The following JAK1 variants were observed in gnomAD, a reference collection of about 807,000 sequenced individuals.
JAK1 encodes Janus kinase 1.
Under a neutral mutation model 136.6 loss-of-function variants are expected in JAK1, and 16 were observed. That is an observed-to-expected ratio of 0.12 (90% CI 0.08 to 0.18). The LOEUF (loss-of-function observed/expected upper bound fraction) is 0.18. Ranked by LOEUF, JAK1 falls within the 10% of genes least tolerant of loss-of-function variation. The pLI, the probability that JAK1 is intolerant of heterozygous loss-of-function variation, is 1.00. For missense variants in JAK1, 859 were observed against 1,450.1 expected (o/e 0.59, Z 6.62); for synonymous variants, 492 against 519.5 (o/e 0.95, Z 0.72).
upstream of JAK1, among the ~76,000 whole-genome samples, chr1:64,968,786 G>T (rs901349032): frequency 6.6e-6 from 1 of 152,164 alleles, no homozygotes; most frequent in Non-Finnish European, 1.5e-5. Context: ...ACAAAAATTA[G>T]CTGGACGTGG....
upstream of JAK1, among the ~76,000 whole-genome samples, chr1:64,969,195 T>C (rs1225652473): frequency 6.6e-6 from 1 of 151,240 alleles, no homozygotes; most frequent in East Asian, 1.9e-4. Context: ...TAAAATAAAA[T>C]AGTGGGTTTT....
intron 2 of JAK1, among the ~76,000 whole-genome samples, chr1:65,039,681 C>G (rs973497338): frequency 2.0e-5 from 3 of 152,164 alleles, no homozygotes; most frequent in Non-Finnish European, 4.4e-5. Flanking sequence ...CAGTGGTGAT[C>G]TTACTGTCAA....
At chr1:65,023,609 G>A (rs865785113) in intron 2 of JAK1, among the ~76,000 whole-genome samples, 15 of 151,918 alleles carry the variant, frequency 9.9e-5, no homozygotes, top group African/African-American at 3.4e-4. Flanking sequence ...TCAGCCTCCC[G>A]AGGAGCTGGG....
intron 1 of JAK1, among the ~76,000 whole-genome samples, chr1:64,933,166 C>T (rs1164571805): frequency 1.3e-5 from 2 of 152,140 alleles, no homozygotes; most frequent in Non-Finnish European, 2.9e-5. Context: ...CACTGTTATC[C>T]CCATTTACAG....
chr1:64,844,877 G>A lies in JAK1; in HGVS notation c.2128C>T (p.Leu710=), dbSNP rs377757935. ...SALSYLEDKD[L]VHGNVCTKNL... ...TTAGTACACACATTTCCATGGACCA[G>A]GTCTTTATCCTCCTGCAGAGTAAAA... Residue 710 remains leucine (L), a synonymous_variant, in exon 16 of 25, where the codon CTG becomes TTG. Transcript: ENST00000342505. This position sits in a 1 kb window ranked among gnomAD's most constrained non-coding sequence, Gnocchi z 5.7. 1 of 1,614,190 alleles carries A rather than the reference G, an allele frequency of 6.2e-7. No homozygotes were observed. The highest frequency in any genetic ancestry group is 1.3e-5 in the African/African-American group (1 of 75,060).
chr1:64,851,547 C>T (rs915312300), intron 11 of JAK1, among the ~76,000 whole-genome samples: 13 of 152,298 alleles, frequency 8.5e-5, no homozygotes, highest in South Asian at 4.1e-4. Context: ...CATGGAGAGG[C>T]GCTTACCAAA....
intron 5 of JAK1, 79 bp from the exon 6 acceptor site, chr1:64,869,553 G>A (rs35834057): frequency 1.5e-5 from 16 of 1,089,242 alleles, no homozygotes; most frequent in Middle Eastern, 2.8e-4. Flanking sequence ...GGGAGGGGCC[G>A]CCTAGAAACG....
intron 23 of JAK1, among the ~76,000 whole-genome samples, chr1:64,835,853 A>G (rs776845024): frequency 6.6e-6 from 1 of 152,134 alleles, no homozygotes; most frequent in Non-Finnish European, 1.5e-5. Flanking sequence ...ACTGCCCTTC[A>G]TCTCTACACA....
At chr1:64,958,531 C>A (rs908083220) in intron 1 of JAK1, among the ~76,000 whole-genome samples, 4 of 152,178 alleles carry the variant, frequency 2.6e-5, no homozygotes, top group African/African-American at 9.7e-5. Context: ...TGCAGGTACA[C>A]CTGGCAAAAA....
At chr1:64,985,759 C>T (rs187960749) in intron 2 of JAK1, 1 of 659,812 alleles carries the variant, frequency 1.5e-6, no homozygotes, top group African/African-American at 1.8e-5. Context: ...AACTCAGCTA[C>T]TTTACACAGT....
chr1:64,957,042 A>G (rs1467618923), intron 1 of JAK1, among the ~76,000 whole-genome samples: 1 of 152,194 alleles, frequency 6.6e-6, no homozygotes, highest in African/African-American at 2.4e-5. Context: ...AGGTGTTAAA[A>G]TGTGACAGCA....
chr1:65,023,035 A>G (rs1646949921), intron 2 of JAK1: 1 of 152,142 alleles, frequency 6.6e-6, no homozygotes, highest in Admixed American at 6.5e-5. Flanking sequence ...TCTTCTCTGT[A>G]TCATTCCAAC....
At chr1:65,042,439 A>ACAC (rs1647143274) in intron 2 of JAK1, among the ~76,000 whole-genome samples, 2 of 144,622 alleles carry the variant, frequency 1.4e-5, no homozygotes, top group African/African-American at 5.2e-5. Context: ...CACACACACA[A>ACAC]ACACACCCCA....
At chr1:65,059,407 T>A (rs1489327479) in intron 1 of JAK1, among the ~76,000 whole-genome samples, 1 of 152,168 alleles carries the variant, frequency 6.6e-6, no homozygotes, top group East Asian at 1.9e-4. Context: ...AGAAGAAAAA[T>A]GCACATTAGC....
intron 1 of JAK1, among the ~76,000 whole-genome samples, chr1:64,948,786 T>C (rs1271111716): frequency 1.3e-5 from 2 of 152,216 alleles, no homozygotes; most frequent in Non-Finnish European, 2.9e-5. Context: ...CACAGGACTA[T>C]CTTCCAGCCA....
At chr1:64,927,207 C>T (rs1327797096) in intron 1 of JAK1, among the ~76,000 whole-genome samples, 3 of 152,050 alleles carry the variant, frequency 2.0e-5, no homozygotes, top group Admixed American at 6.5e-5. Context: ...CACGGTCTCC[C>T]GTGTCCCCTC....
chr1:64,875,154 T>C (rs76286105), intron 4 of JAK1, among the ~76,000 whole-genome samples: 11,280 of 152,344 alleles, frequency 0.074, 595 homozygotes, highest in Non-Finnish European at 0.099. Flanking sequence ...CTTGGACATA[T>C]GACAGTCTCT....
intron 1 of JAK1, chr1:64,942,281 C>A (rs1465153982): frequency 2.6e-5 from 4 of 152,158 alleles, no homozygotes; most frequent in African/African-American, 9.7e-5. Flanking sequence ...TATGCAGAGA[C>A]AATCTGGCCC....
intron 24 of JAK1, among the ~76,000 whole-genome samples, 161 bp from the exon 25 acceptor site, chr1:64,834,818 G>A (rs1026167139): frequency 6.6e-6 from 1 of 152,192 alleles, no homozygotes; most frequent in South Asian, 2.1e-4. Context: ...CACAGAAAAT[G>A]GGATACAACT....
Sources: gnomAD v4.1 joint callset for allele counts (sites outside exome capture counted in the v4.1 genomes callset) on GRCh38, gnomAD v4.1.1 for gene constraint, Gnocchi (gnomAD v3.1) non-coding constraint, MANE v1.5 for transcripts, NCBI Gene and HGNC (gene_info 2026-07-23, HGNC 2026-07-21) for gene names.